CROCC: variants seen among roughly 807,000 people sequenced by gnomAD.
The protein encoded by CROCC is ciliary rootlet coiled-coil, rootletin.
CROCC carries 180 observed loss-of-function variants against 245.2 expected under a neutral mutation model. The ratio of observed to expected loss-of-function variants is 0.73; its 90% confidence interval spans 0.65 to 0.83. The LOEUF (loss-of-function observed/expected upper bound fraction) is 0.83. CROCC is among the 40% of genes least tolerant of loss of function. The pLI is 0.00. For synonymous variants in CROCC, 1,205 were observed against 1,241.6 expected (o/e 0.97, Z 0.62); for missense variants, 2,688 against 2,779.4 (o/e 0.97, Z 0.74).
In CROCC at chr1:16,955,526, A is replaced by G. The variant is rs1291711987; in HGVS notation, c.3680A>G (p.Lys1227Arg). The change falls in exon 24 of 37, where the codon AAG (lysine) becomes AGG (arginine). Residue 1227 changes from lysine to arginine, a missense_variant. Physicochemically the swap from Lys to Arg is conservative, Grantham distance 26. Around this residue, in one of 9 missense-constraint regions of CROCC, gnomAD observed 1,218 missense variants for 1,286.3 expected, o/e 0.95. Coordinates refer to ENST00000375541, the MANE Select transcript of CROCC (RefSeq NM_014675.5). ...AATGAGGAGCTTCGGTCTGCTGTGAAGAAGGCAGAGAGCGAGCGCATCAGG... is the reference window on the plus strand; with the variant it reads ...AATGAGGAGCTTCGGTCTGCTGTGAGGAAGGCAGAGAGCGAGCGCATCAGG... ...RSNEELRSAV[K>R]KAESERISLK... The G allele has an allele frequency of 1.3e-6, 2 of 1,560,524 alleles. No individual in the cohort carries two copies.
intron 1 of CROCC, among the ~76,000 whole-genome samples, chr1:16,915,150 C>T (rs1240631289): frequency 6.6e-6 from 1 of 152,264 alleles, no homozygotes; most frequent in Admixed American, 6.5e-5. Context: ...TCACCCTGAT[C>T]TTCTGGGATG....
chr1:16,953,414 A>C lies in CROCC; in HGVS notation c.3119A>C (p.Glu1040Ala), dbSNP rs143440108. 78 of 1,610,820 alleles carry C rather than the reference A, an allele frequency of 4.8e-5. No individual in the cohort carries two copies. Among genetic ancestry groups the C allele is most frequent in the Middle Eastern group, 2.2e-4 (1 of 4,522 alleles). Residue 1040 changes from glutamate (E) to alanine (A), a missense_variant, in exon 21 of 37, where the codon GAG becomes GCG. By Grantham distance (107) the Glu-to-Ala change is moderately radical. Around this residue, in one of 9 missense-constraint regions of CROCC, gnomAD observed 106 missense variants for 126.1 expected, o/e 0.84. Transcript: ENST00000375541. The stretch of plus-strand genomic sequence containing the variant: ...GAGGCTGAGAAGGAAGAGCTGAGTG[A>C]GGAGATTGCTGCCCTGCAGCAGGAG... ...RLEAEKEELS[E>A]EIAALQQERD...
chr1:16,917,151 T>C (rs371714748), upstream of CROCC, among the ~76,000 whole-genome samples: 15 of 152,398 alleles, frequency 9.8e-5, no homozygotes, highest in East Asian at 7.7e-4. Context: ...AAAAACCCTT[T>C]GGAATCAGGC....
At chr1:16,939,799 G>A in intron 12 of CROCC, 95 bp from the exon 13 acceptor site, 1 of 1,450,258 alleles carries the variant, frequency 6.9e-7, no homozygotes, top group Non-Finnish European at 9.6e-7. Flanking sequence ...ACCCCGCCTA[G>A]CGTAGGCTAG....
chr1:16,966,505 G>A lies in CROCC; in HGVS notation c.4794G>A (p.Thr1598=), dbSNP rs768125363. ...VRRSERERRA[T]LDQVATLERS... is the part of the protein sequence containing the mutation. Reference sequence around the variant, plus strand: ...GCAGTGAGCGGGAGCGCCGGGCCACGCTGGACCAGGTGGCCACACTGGAGA... The same window carrying A: ...GCAGTGAGCGGGAGCGCCGGGCCACACTGGACCAGGTGGCCACACTGGAGA... The change falls in exon 30 of 37, where the codon ACG becomes ACA. Residue 1598 remains threonine, a synonymous_variant. Coordinates refer to ENST00000375541, the MANE Select transcript of CROCC (RefSeq NM_014675.5). This position sits in a 1 kb window ranked among gnomAD's most constrained non-coding sequence, Gnocchi z 4.8. 2.0e-5 allele frequency: 31 copies of A among 1,529,690 alleles called. No homozygotes were observed. Among genetic ancestry groups the A allele is most frequent in the East Asian group, 1.7e-4 (7 of 40,670 alleles). The allele number at this position is 1,529,690 out of a possible 1,614,324, so 94.8% of individuals were successfully genotyped here.
In CROCC at chr1:16,965,877, T is replaced by A. The variant is rs2076407999; in HGVS notation, c.4560T>A (p.Ser1520Arg). Reference sequence around the variant, plus strand: ...GGGAATTCCTGCAAGAGCTGCGGAGTGCCCAGAGAGAACGGGTAAGCCTGG... The same window carrying A: ...GGGAATTCCTGCAAGAGCTGCGGAGAGCCCAGAGAGAACGGGTAAGCCTGG... Reference protein sequence around the residue: ...ALREFLQELRSAQRERDELRT... With the variant: ...ALREFLQELRRAQRERDELRT... The change falls in exon 28 of 37, where the codon AGT (serine) becomes AGA (arginine). Residue 1520 changes from serine (S) to arginine (R), a missense_variant. Physicochemically the swap from Ser to Arg is moderately radical, Grantham distance 110 (BLOSUM62 -1). This residue lies in a region of CROCC where 1,218 missense variants were observed against 1,286.3 expected (regional missense o/e 0.95). Transcript: ENST00000375541. 1 of 1,613,040 alleles carries A rather than the reference T, an allele frequency of 6.2e-7. No individual in the cohort carries two copies. The highest frequency in any genetic ancestry group is 1.3e-5 in the African/African-American group (1 of 74,816).
chr1:16,928,996 T>A (rs2075601204), intron 3 of CROCC, among the ~76,000 whole-genome samples: 1 of 152,082 alleles, frequency 6.6e-6, no homozygotes, highest in Non-Finnish European at 1.5e-5. Context: ...CCAGCTAATT[T>A]TTGTATTTTT....
rs1011346465 is a variant in CROCC, at chr1:16,960,955, C to T, written c.4230C>T (p.Gly1410=). ...GCCTGCGGCTGAGCGCAGCCGAGGG[C>T]CGGGCACAAGGCCTGGAGGCCGAGC... is the stretch of plus-strand genomic sequence containing the variant. ...ELGLRLSAAE[G]RAQGLEAELA... Residue 1410 remains glycine (G), a synonymous_variant, in exon 27 of 37, where the codon GGC becomes GGT. Coordinates refer to ENST00000375541, the MANE Select transcript of CROCC (RefSeq NM_014675.5). 33 of 1,403,986 alleles carry T rather than the reference C, an allele frequency of 2.4e-5. 1 individual carries two copies. The highest frequency in any genetic ancestry group is 5.2e-4 in the Middle Eastern group (2 of 3,858). The allele number at this position is 1,403,986 out of a possible 1,614,324, so 87.0% of individuals were successfully genotyped here. A position where few individuals can be genotyped will look rare whatever the true frequency, so the allele number is the denominator to read the frequency against.
intron 26 of CROCC, among the ~76,000 whole-genome samples, chr1:16,959,960 C>A (rs1442018957): frequency 1.8e-3 from 256 of 142,240 alleles, no homozygotes; most frequent in African/African-American, 5.6e-3. Flanking sequence ...AAACAAAAAA[C>A]AAAAAAAAAA....
intron 27 of CROCC, among the ~76,000 whole-genome samples, chr1:16,964,670 A>G (rs1404217805): frequency 6.6e-6 from 1 of 151,836 alleles, no homozygotes; most frequent in Non-Finnish European, 1.5e-5. Flanking sequence ...GGTGTGAGCC[A>G]CTGCTCCCAG....
At chr1:16,927,254 C>T (rs1238268453) in intron 3 of CROCC, among the ~76,000 whole-genome samples, 4 of 152,242 alleles carry the variant, frequency 2.6e-5, no homozygotes, top group African/African-American at 9.6e-5. Context: ...AGGCACAGAA[C>T]AGTCCCCCCA....
intron 3 of CROCC, among the ~76,000 whole-genome samples, chr1:16,926,138 C>T (rs2075530047): frequency 1.3e-5 from 2 of 152,250 alleles, no homozygotes; most frequent in Non-Finnish European, 2.9e-5. Context: ...TTAGTGGGGG[C>T]CCAAATGGCA....
Position 16,938,462 on chromosome 1 carries a change from G to C in CROCC, c.1353G>C (p.Gln451His). ...LETEDGEGLQ[Q>H]TLRDLAQAVL... ...CAGAGGATGGAGAGGGGCTACAGCA[G>C]ACCCTAAGGGACCTGGCACAGGTGT... Residue 451 changes from glutamine (Q) to histidine (H), a missense_variant, in exon 11 of 37, where the codon CAG becomes CAC. Physicochemically the swap from Gln to His is conservative, Grantham distance 24. Coordinates refer to ENST00000375541, the MANE Select transcript of CROCC (RefSeq NM_014675.5). 2 of 1,578,014 alleles carry C rather than the reference G, an allele frequency of 1.3e-6. No homozygotes were observed. The highest frequency in any genetic ancestry group is 1.7e-6 in the Non-Finnish European group (2 of 1,162,626).
chr1:16,931,316 A>G lies in CROCC; in HGVS notation c.875A>G (p.Glu292Gly), dbSNP rs1194567701. 1 of 1,612,372 alleles carries G rather than the reference A, an allele frequency of 6.2e-7. No individual in the cohort carries two copies. The highest frequency in any genetic ancestry group is 2.2e-5 in the East Asian group (1 of 44,858). The change falls in exon 8 of 37, where the codon GAG becomes GGG. Residue 292 changes from glutamate (E) to glycine (G), a missense_variant. By Grantham distance (98) the Glu-to-Gly change is moderately conservative. This residue lies in a region of CROCC where 972 missense variants were observed against 895.3 expected (regional missense o/e 1.09). Coordinates refer to ENST00000375541, the MANE Select transcript of CROCC (RefSeq NM_014675.5). Reference protein sequence around the residue: ...EESFNAYFSNEHSRLLLLWRQ... With the variant: ...EESFNAYFSNGHSRLLLLWRQ... ...TCCTTCAACGCCTACTTCAGCAACG[A>G]GCACAGTCGCCTGCTCCTCCTCTGG...
intron 36 of CROCC, 51 bp from the exon 37 acceptor site, chr1:16,972,309 C>G (rs773799732): frequency 1.3e-6 from 2 of 1,494,684 alleles, no homozygotes; most frequent in Admixed American, 3.4e-5. Flanking sequence ...CTCCCTTTCT[C>G]TGAAGCCAGG....
intron 3 of CROCC, among the ~76,000 whole-genome samples, chr1:16,925,097 C>T (rs547728606): frequency 1.8e-4 from 28 of 152,342 alleles, no homozygotes; most frequent in African/African-American, 3.6e-4. Context: ...GCGAGGGGTG[C>T]GGGATGCTCT....
chr1:16,953,311 T>A lies in CROCC; in HGVS notation c.3016T>A (p.Trp1006Arg), dbSNP rs1425856757. Residue 1006 changes from tryptophan to arginine, a missense_variant, in exon 21 of 37, where the codon TGG (tryptophan) becomes AGG (arginine). This residue lies in a region of CROCC where 106 missense variants were observed against 126.1 expected (regional missense o/e 0.84). Coordinates refer to ENST00000375541, the MANE Select transcript of CROCC (RefSeq NM_014675.5). ...GGTCCTGGCCCCCTAGGAGGCAGCA[T>A]GGCGGGAGCTGGAGGCCGAGCGGGC... ...QRLQREKEAA[W>R]RELEAERAQL... is the part of the protein sequence containing the mutation. The A allele has an allele frequency of 3.2e-6, 5 of 1,585,792 alleles. No homozygotes were observed. Among genetic ancestry groups the A allele is most frequent in the East Asian group, 2.3e-5 (1 of 43,620 alleles).
chr1:16,937,021 C>T, intron 9 of CROCC, 148 bp downstream of exon 9: 2 of 886,700 alleles, frequency 2.3e-6, no homozygotes, highest in Non-Finnish European at 3.5e-6. Context: ...GTTCCGAAGG[C>T]ACTTGCCCAG....
chr1:16,929,923 G>A lies in CROCC; in HGVS notation c.429G>A (p.Glu143=). Residue 143 remains glutamate (E), a synonymous_variant, in exon 4 of 37, where the codon GAG becomes GAA. Coordinates refer to ENST00000375541, the MANE Select transcript of CROCC (RefSeq NM_014675.5). The stretch of plus-strand genomic sequence containing the variant: ...GGGGGCTGGTACGGCAGAGCGTGGA[G>A]TTGCGGAGGCAGCTGCAGGAGGAGC... ...EPRGLVRQSV[E]LRRQLQEEQA... 1.9e-6 allele frequency: 3 copies of A among 1,589,626 alleles called. No individual in the cohort carries two copies. Among genetic ancestry groups the A allele is most frequent in the Non-Finnish European group, 2.6e-6 (3 of 1,171,398 alleles).
Sources: allele counts gnomAD v4.1 joint callset (sites outside exome capture counted in the v4.1 genomes callset), GRCh38; gene constraint gnomAD v4.1.1; regional missense constraint gnomAD v4.1.1; non-coding constraint Gnocchi (gnomAD v3.1); transcripts MANE v1.5; gene names NCBI Gene and HGNC (gene_info 2026-07-23, HGNC 2026-07-21).